DENND1A: variants seen among roughly 807,000 people sequenced by gnomAD.
DENND1A encodes the protein DENN domain containing 1A.
Under a neutral mutation model 113.7 loss-of-function variants are expected in DENND1A, and 51 were observed. The ratio of observed to expected loss-of-function variants is 0.45; its 90% CI spans 0.36 to 0.57. The LOEUF is 0.57. Among genes scored for constraint, DENND1A ranks in the 20% least tolerant of loss-of-function variants. The probability of loss-of-function intolerance (pLI) is 0.00; values close to 1 mark genes in which losing one functional copy is unlikely to be tolerated. For synonymous variants in DENND1A, 565 were observed against 570.8 expected, an observed-to-expected ratio of 0.99 and a Z score of 0.14; for missense variants, 1,258 against 1,395.9, an observed-to-expected ratio of 0.90 and a Z score of 1.57.
At chr9:123,925,272 C>G (rs1423493015) in intron 1 of DENND1A, among the ~76,000 whole-genome samples, 1 of 152,262 alleles carries the variant, frequency 6.6e-6, no homozygotes. Flanking sequence ...GCTGATACCA[C>G]CACCATCACT....
At chr9:123,427,445 C>T (rs1026177370) in intron 19 of DENND1A, among the ~76,000 whole-genome samples, 2 of 152,200 alleles carry the variant, frequency 1.3e-5, no homozygotes, top group African/African-American at 4.8e-5. Context: ...CAACGGCAGA[C>T]AGCTGTGCCC....
intron 13 of DENND1A, among the ~76,000 whole-genome samples, chr9:123,525,070 T>C (rs1354536626): frequency 6.6e-6 from 1 of 152,202 alleles, no homozygotes; most frequent in Non-Finnish European, 1.5e-5. Context: ...GAAACAGGCA[T>C]AGTCACTCTA....
intron 19 of DENND1A, chr9:123,413,556 C>CA (rs2044477869): frequency 1.0e-6 from 1 of 985,392 alleles, no homozygotes; most frequent in South Asian, 4.7e-5. Context: ...TGGTGCTCTG[C>CA]ATGGAACCTG....
intron 11 of DENND1A, among the ~76,000 whole-genome samples, chr9:123,586,380 T>C (rs1431745763): frequency 6.6e-6 from 1 of 152,194 alleles, no homozygotes; most frequent in African/African-American, 2.4e-5. Flanking sequence ...TTTTGATTTC[T>C]TCCCACTCCT....
intron 13 of DENND1A, among the ~76,000 whole-genome samples, chr9:123,507,685 T>TTA (rs1554847639): frequency 1.2e-4 from 17 of 136,890 alleles, no homozygotes; most frequent in African/African-American, 4.5e-4. Flanking sequence ...CCTCATCTCT[T>TTA]AAAAAAAAAA....
intron 11 of DENND1A, among the ~76,000 whole-genome samples, chr9:123,607,172 T>A (rs970804748): frequency 2.0e-5 from 3 of 152,120 alleles, no homozygotes; most frequent in Non-Finnish European, 2.9e-5. Context: ...CTGAACTTTA[T>A]ATTCATCTCC....
chr9:123,442,887 G>T (rs1033015287), intron 18 of DENND1A, among the ~76,000 whole-genome samples: 1 of 152,182 alleles, frequency 6.6e-6, no homozygotes, highest in Non-Finnish European at 1.5e-5. Flanking sequence ...GGGAGAATGG[G>T]TGAAATGAGA....
chr9:123,434,195 T>G (rs1346222683), intron 19 of DENND1A, among the ~76,000 whole-genome samples: 2 of 152,060 alleles, frequency 1.3e-5, no homozygotes, highest in Admixed American at 1.3e-4. Flanking sequence ...CCTGGCTAAT[T>G]TTTGTATTTT....
At chr9:123,494,884 C>T (rs769130496) in intron 13 of DENND1A, among the ~76,000 whole-genome samples, 4 of 152,078 alleles carry the variant, frequency 2.6e-5, no homozygotes, top group Admixed American at 6.6e-5. Flanking sequence ...CTCTGCCTCC[C>T]GGGTTGAAGC....
At chr9:123,766,694 T>C (rs983480110) in intron 4 of DENND1A, among the ~76,000 whole-genome samples, 7 of 152,218 alleles carry the variant, frequency 4.6e-5, no homozygotes, top group African/African-American at 1.7e-4. Context: ...AGAATTTTGT[T>C]CAAATGAAGA....
At chr9:123,392,389 G>A (rs551315068) in intron 21 of DENND1A, among the ~76,000 whole-genome samples, 2 of 152,316 alleles carry the variant, frequency 1.3e-5, no homozygotes, top group Middle Eastern at 3.4e-3. Context: ...CTTGGTCTCC[G>A]GAGGTGGTGA....
chr9:123,440,404 T>G lies in DENND1A; in HGVS notation c.1444A>C (p.Lys482Gln), dbSNP rs2046840580. The G allele has an allele frequency of 6.3e-7, 1 of 1,599,044 alleles. No homozygotes were observed. The highest frequency in any genetic ancestry group is 1.4e-5 in the African/African-American group (1 of 73,216). The change falls in exon 19 of 24, where the codon AAG becomes CAG. Residue 482 changes from lysine to glutamine, a missense_variant. By Grantham distance (53) the Lys-to-Gln change is moderately conservative (BLOSUM62 1). This residue lies in a region of DENND1A where 1,159 missense variants were observed against 1,231.7 expected (regional missense o/e 0.94). Transcript: ENST00000394215. ...ATTGGCCGCCGGTCTTCTCGGAGCT[T>G]GGGGTCCTTGGCCTCCACCAGTGGG... Reference protein sequence around the residue: ...PSPLVEAKDPKLREDRRPITV... With the variant: ...PSPLVEAKDPQLREDRRPITV...
Position 123,452,311 on chromosome 9 carries a change from T to C in DENND1A, c.1264A>G (p.Lys422Glu), listed in dbSNP as rs1231130377. 4 of 1,614,174 alleles carry C rather than the reference T, an allele frequency of 2.5e-6. No homozygotes were observed. Among genetic ancestry groups the C allele is most frequent in the Non-Finnish European group, 1.7e-6 (2 of 1,180,064 alleles). ...SGAILNTVKT[K>E]ANPAMKTVYK... ...ACAGTCTTCATGGCCGGATTTGCTT[T>C]GGTCTTTACAGTATTCAGAATTGCT... Residue 422 changes from lysine (K) to glutamate (E), a missense_variant, in exon 17 of 24, where the codon AAA becomes GAA. Coordinates refer to ENST00000394215, the MANE Select transcript of DENND1A (RefSeq NM_001352964.2).
rs2057175375 is a variant in DENND1A, at chr9:123,552,747, C to T, written c.993+4823G>A. ...TCTCAGGCCCTGCCCTGGCACCCGC[C>T]TCAGGGGCCATTCCCTGCAGACATC... On this transcript the variant is annotated intron_variant, in intron 13 of 23. Transcript: ENST00000394215. Among the ~76,000 whole-genome samples the T allele has an allele frequency of 3.3e-5, 5 of 152,276 alleles. No homozygotes were observed. The South Asian group carries it at 1.0e-3, about 31-fold the overall frequency.
chr9:123,417,365 T>C (rs1217084034), intron 19 of DENND1A, among the ~76,000 whole-genome samples: 2 of 152,214 alleles, frequency 1.3e-5, no homozygotes, highest in Admixed American at 1.3e-4. Context: ...ATATGATGTG[T>C]TTTCCTTTCA....
intron 12 of DENND1A, among the ~76,000 whole-genome samples, chr9:123,582,150 T>C (rs2058930117): frequency 6.6e-6 from 1 of 152,154 alleles, no homozygotes; most frequent in Non-Finnish European, 1.5e-5. Flanking sequence ...ATGTTCTAGA[T>C]GGTCTAGGAA....
At position 123,403,438 on chromosome 9, in the gene DENND1A, A is replaced by G. The variant is rs2043667644; in HGVS notation, c.1595T>C (p.Val532Ala). ...VVKRPKSNIAVEGRRTSVPSP... is the reference protein window; with the variant it reads ...VVKRPKSNIAAEGRRTSVPSP... ...CGGCACAGACGTCCTCCGGCCTTCC[A>G]CTGCGATGTTGCTCTTTGGTCTCTT... Residue 532 changes from valine to alanine, a missense_variant, in exon 21 of 24, where the codon GTG (valine) becomes GCG (alanine). Val to Ala is a moderately conservative substitution (Grantham distance 64). Around this residue, in one of 2 missense-constraint regions of DENND1A, gnomAD observed 1,159 missense variants for 1,231.7 expected, o/e 0.94. Coordinates refer to ENST00000394215, the MANE Select transcript of DENND1A (RefSeq NM_001352964.2). 1 of 1,614,064 alleles carries G rather than the reference A, an allele frequency of 6.2e-7. No homozygotes were observed. The highest frequency in any genetic ancestry group is 1.1e-5 in the South Asian group (1 of 91,074).
intron 13 of DENND1A, among the ~76,000 whole-genome samples, chr9:123,491,525 C>T (rs577334918): frequency 1.8e-4 from 27 of 152,278 alleles, no homozygotes; most frequent in Admixed American, 1.7e-3. Flanking sequence ...TGAGGGTCTG[C>T]CATGAACGCT....
At chr9:123,839,690 G>C (rs762928686) in intron 2 of DENND1A, among the ~76,000 whole-genome samples, 1 of 152,144 alleles carries the variant, frequency 6.6e-6, no homozygotes, top group Non-Finnish European at 1.5e-5. Flanking sequence ...CTTTTAAATT[G>C]AATAATTTGG....
Sources: allele counts gnomAD v4.1 joint callset (sites outside exome capture counted in the v4.1 genomes callset), GRCh38; gene constraint gnomAD v4.1.1; regional missense constraint gnomAD v4.1.1; transcripts MANE v1.5; gene names NCBI Gene and HGNC (gene_info 2026-07-23, HGNC 2026-07-21).